The following NEB variants were observed in gnomAD, a reference collection of about 807,000 sequenced individuals.
NEB encodes nemaline myopathy type 2.
A neutral mutation model predicts 952.2 loss-of-function variants in NEB; 512 were observed. That is an observed-to-expected ratio of 0.54 (90% CI 0.50 to 0.58). The LOEUF (loss-of-function observed/expected upper bound fraction) is 0.58, where lower values mean the gene tolerates loss of function less well. NEB is among the 20% of genes least tolerant of loss of function. The pLI, the probability that NEB is intolerant of heterozygous loss-of-function variation, is 0.00. For synonymous variants in NEB, 2,900 were observed against 3,149.8 expected (o/e 0.92, Z 2.66); for missense variants, 8,428 against 9,231.1 (o/e 0.91, Z 3.56).
At chr2:151,578,553 T>C (rs1188079365) in intron 105 of NEB, among the ~76,000 whole-genome samples, 4 of 151,234 alleles carry the variant, frequency 2.6e-5, no homozygotes, top group Non-Finnish European at 5.9e-5. Flanking sequence ...CCCAGCTACT[T>C]GGGAGGCTGA....
intron 173 of NEB, 33 bp downstream of exon 173, chr2:151,496,243 A>T: frequency 6.6e-7 from 1 of 1,518,442 alleles, no homozygotes; most frequent in Non-Finnish European, 9.0e-7. Flanking sequence ...TTTTAAAATC[A>T]GTAAGTAGTT....
chr2:151,532,020 G>T (rs1475604720), intron 143 of NEB, 124 bp from the exon 144 acceptor site: 1 of 625,594 alleles, frequency 1.6e-6, no homozygotes, highest in Non-Finnish European at 2.8e-6. Context: ...TTCCTAACTG[G>T]AAATGTTTAC....
intron 10 of NEB, among the ~76,000 whole-genome samples, chr2:151,712,900 G>T (rs1438194898): frequency 1.3e-5 from 2 of 151,834 alleles, no homozygotes; most frequent in Non-Finnish European, 2.9e-5. Flanking sequence ...GGAGAGAAAG[G>T]TTAGGGGGAA....
At chr2:151,572,540 A>G (rs2096672151) in intron 107 of NEB, among the ~76,000 whole-genome samples, 1 of 145,086 alleles carries the variant, frequency 6.9e-6, no homozygotes, top group Non-Finnish European at 1.5e-5. Context: ...ATATAAAAGT[A>G]TATATATATA....
rs2098400761 is a variant in NEB at position 151,620,820 on chromosome 2, T to A, written c.10560+99A>T. On this transcript the variant is annotated intron_variant, in intron 72 of 181. Transcript: ENST00000397345. The stretch of plus-strand genomic sequence containing the variant: ...ACCCTCAGTATATTTGCCTATGCAC[T>A]GAAGGGAGTTAAGGTGGATGATGAC... 4.5e-6 allele frequency: 4 copies of A among 885,850 alleles called. No homozygotes were observed. In the South Asian group the frequency reaches 5.4e-5, roughly 12 times the overall value. The allele number at this position is 885,850 out of a possible 1,614,324, so 54.9% of individuals were successfully genotyped here.
chr2:151,570,081 A>C lies in NEB; in HGVS notation c.17430T>G (p.Asp5810Glu). 1 of 1,603,558 alleles carries C rather than the reference A, an allele frequency of 6.2e-7. No homozygotes were observed. The highest frequency in any genetic ancestry group is 1.3e-5 in the African/African-American group (1 of 74,958). ...QAKKAYELQS[D>E]NVYKADLEWL... Reference sequence around the variant, plus strand: ...TCAACCCCAAATGCAGCCCACTCACATCGCTCTGCAGTTCGTAGGCCTTCT... The same window carrying C: ...TCAACCCCAAATGCAGCCCACTCACCTCGCTCTGCAGTTCGTAGGCCTTCT... Residue 5810 changes from aspartate to glutamate, a missense_variant and splice_region_variant, in exon 109 of 182, where the codon GAT becomes GAG. By Grantham distance (45) the Asp-to-Glu change is conservative (BLOSUM62 2). Around this residue, in one of 11 missense-constraint regions of NEB, gnomAD observed 3,374 missense variants for 3,651.5 expected, o/e 0.92. Coordinates refer to ENST00000397345, the MANE Select transcript of NEB (RefSeq NM_001164508.2).
At chr2:151,659,460 C>T (rs949942745) in intron 46 of NEB, among the ~76,000 whole-genome samples, 3 of 152,022 alleles carry the variant, frequency 2.0e-5, no homozygotes, top group Non-Finnish European at 4.4e-5. Flanking sequence ...ACTACCATGC[C>T]TGGCTAATTT....
At position 151,545,879 on chromosome 2, in the gene NEB, C is replaced by T. The variant is rs754392310; in HGVS notation, c.20577+9G>A. The T allele has an allele frequency of 7.2e-6, 11 of 1,522,566 alleles. No homozygotes were observed. The highest frequency in any genetic ancestry group is 2.7e-5 in the African/African-American group (2 of 72,788). The allele number at this position is 1,522,566 out of a possible 1,614,324, so 94.3% of individuals were successfully genotyped here. A position where few individuals can be genotyped will look rare whatever the true frequency, so the allele number is the denominator to read the frequency against. ...TGATTGACTTCAATGACAAGTAAAG[C>T]GTCCTTACCTCACTCAGATGTGTCT... On this transcript the variant is annotated intron_variant, in intron 135 of 181. Transcript: ENST00000397345.
intron 23 of NEB, among the ~76,000 whole-genome samples, chr2:151,691,636 G>C (rs1356764579): frequency 2.0e-5 from 3 of 152,100 alleles, no homozygotes; most frequent in African/African-American, 7.2e-5. Context: ...AATTCGTGTA[G>C]ATATAAACTA....
chr2:151,651,061 C>T lies in NEB; in HGVS notation c.6916-176G>A, dbSNP rs138315391. Among the ~76,000 whole-genome samples the T allele has an allele frequency of 4.5e-3, 685 of 152,148 alleles. 2 individuals are homozygous for T. The highest frequency in any genetic ancestry group is 7.5e-3 in the Non-Finnish European group (512 of 67,994). ...CAGCCTCCCTAGTAGCTGGGATTTACAGGTACATGCCACCTCATCCAGCTT... is the reference window on the plus strand; with the variant it reads ...CAGCCTCCCTAGTAGCTGGGATTTATAGGTACATGCCACCTCATCCAGCTT... On this transcript the variant is annotated intron_variant, in intron 52 of 181. Coordinates refer to ENST00000397345, the MANE Select transcript of NEB (RefSeq NM_001164508.2).
chr2:151,641,209 G>T (rs143936529), intron 60 of NEB, among the ~76,000 whole-genome samples: 1 of 152,164 alleles, frequency 6.6e-6, no homozygotes, highest in East Asian at 1.9e-4. Context: ...GTTATGATTC[G>T]TGTGTGAGAA....
rs1368489765 is a variant in NEB at position 151,643,414 on chromosome 2, T to C, written c.7957-61A>G. ...TCATTTATCACAATTTGTCATAATT[T>C]GTCATAATTAAATCATTTGCCCCTA... On this transcript the variant is annotated intron_variant, in intron 57 of 181. Transcript: ENST00000397345. 2.1e-6 allele frequency: 3 copies of C among 1,408,492 alleles called. No homozygotes were observed. The African/African-American group carries it at 4.3e-5, about 20-fold the overall frequency. 87.2% of individuals were successfully genotyped at this position (1,408,492 alleles called of 1,614,324 possible).
chr2:151,616,011 A>T lies in NEB; in HGVS notation c.11280T>A (p.Ile3760=), dbSNP rs1203256202. ...CAAAACATCCACTTACATCACTAGC[A>T]ATATCTCTTGAAGCCTTGGCTGCTT... ...PIQAAKASRD[I]ASDYKYKEGY... Residue 3760 remains isoleucine, a synonymous_variant, in exon 76 of 182, where the codon ATT becomes ATA. Coordinates refer to ENST00000397345, the MANE Select transcript of NEB (RefSeq NM_001164508.2). 23 of 1,610,696 alleles carry T rather than the reference A, an allele frequency of 1.4e-5. No homozygotes were observed. Among genetic ancestry groups the T allele is most frequent in the Non-Finnish European group, 2.0e-5 (23 of 1,178,214 alleles).
At chr2:151,682,870 C>T in intron 28 of NEB, 101 bp from the exon 29 acceptor site, 1 of 991,670 alleles carries the variant, frequency 1.0e-6, no homozygotes, top group South Asian at 1.5e-5. Context: ...GATTTCTGAC[C>T]AGCTTCCTTA....
intron 12 of NEB, among the ~76,000 whole-genome samples, chr2:151,708,201 CTT>C (rs1381404628): frequency 6.6e-6 from 1 of 152,164 alleles, no homozygotes; most frequent in Non-Finnish European, 1.5e-5. Context: ...CAACATGATG[CTT>C]TTGTTTCGTA....
intron 107 of NEB, among the ~76,000 whole-genome samples, chr2:151,572,482 TTGAA>T (rs2096665773): frequency 6.8e-6 from 1 of 147,112 alleles, no homozygotes; most frequent in Non-Finnish European, 1.5e-5. Flanking sequence ...AATATATATA[TTGAA>T]TATTTATATA....
intron 181 of NEB, among the ~76,000 whole-genome samples, chr2:151,487,580 A>G (rs192478649): frequency 2.4e-4 from 37 of 152,274 alleles, no homozygotes; most frequent in African/African-American, 7.9e-4. Flanking sequence ...TCACATTTTA[A>G]TAATATCACG....
In NEB at chr2:151,576,194, G is replaced by A; in HGVS notation, c.16865C>T (p.Pro5622Leu). ...NLKYTSIVDTPEVVLAKSNAE... is the reference protein window; with the variant it reads ...NLKYTSIVDTLEVVLAKSNAE... ...ATTTGATTTAGCAAGGACCACTTCA[G>A]GTGTGTCAACAATGCTTGTGTACTT... Residue 5622 changes from proline to leucine, a missense_variant, in exon 106 of 182, where the codon CCT (proline) becomes CTT (leucine). Physicochemically the swap from Pro to Leu is moderately conservative, Grantham distance 98. Coordinates refer to ENST00000397345, the MANE Select transcript of NEB (RefSeq NM_001164508.2). The A allele has an allele frequency of 6.2e-7, 1 of 1,609,778 alleles. No homozygotes were observed. The highest frequency in any genetic ancestry group is 8.5e-7 in the Non-Finnish European group (1 of 1,177,040).
intron 52 of NEB, among the ~76,000 whole-genome samples, chr2:151,652,020 A>G (rs2099035534): frequency 6.6e-6 from 1 of 152,180 alleles, no homozygotes; most frequent in African/African-American, 2.4e-5. Context: ...AAGAATTTAT[A>G]AAACTGAAAA....
Sources: allele counts gnomAD v4.1 joint callset (sites outside exome capture counted in the v4.1 genomes callset), GRCh38; gene constraint gnomAD v4.1.1; regional missense constraint gnomAD v4.1.1; transcripts MANE v1.5; gene names NCBI Gene and HGNC (gene_info 2026-07-23, HGNC 2026-07-21).